Variants in MECOM observed in about 807,000 individuals in gnomAD.
MECOM encodes the protein MDS1 and EVI1 complex locus.
A neutral mutation model predicts 116.3 loss-of-function variants in MECOM; 13 were observed. The observed-to-expected ratio is 0.11, with a 90% confidence interval of 0.07 to 0.18. MECOM has a LOEUF of 0.18. Ranked by LOEUF, MECOM falls within the 10% of genes least tolerant of loss-of-function variation. The probability of loss-of-function intolerance (pLI) is 1.00; values close to 1 mark genes in which losing one functional copy is unlikely to be tolerated. For synonymous variants in MECOM, 528 were observed against 535.2 expected (o/e 0.99, Z 0.19); for missense variants, 1,299 against 1,509.0 (o/e 0.86, Z 2.31).
intron 1 of MECOM, among the ~76,000 whole-genome samples, chr3:169,617,896 T>G (rs1770219267): frequency 6.6e-6 from 1 of 152,208 alleles, no homozygotes. Context: ...GGGACACTTC[T>G]TAGAACAACT....
rs141723148 is a variant in MECOM at position 169,139,896 on chromosome 3, T to C, written c.510+3802A>G. On this transcript the variant is annotated intron_variant, in intron 3 of 16. Coordinates refer to ENST00000651503, the MANE Select transcript of MECOM (RefSeq NM_004991.4). ...AATGAGTTATGTCCACCAATCAAAA[T>C]GGTTTGTAAAAGTAAGACAGCTACA... is the stretch of plus-strand genomic sequence containing the variant. 3.4e-3 allele frequency among the ~76,000 whole-genome samples: 511 copies of C among 151,672 alleles called. 3 individuals are homozygous for C. The highest frequency in any genetic ancestry group is 0.012 in the African/African-American group (493 of 41,344).
chr3:169,288,577 G>A (rs944356301), intron 2 of MECOM, among the ~76,000 whole-genome samples: 1 of 152,160 alleles, frequency 6.6e-6, no homozygotes, highest in Admixed American at 6.6e-5. Context: ...TCATTTAATA[G>A]TAACAAGAAA....
At chr3:169,270,439 A>T (rs954501379) in intron 2 of MECOM, among the ~76,000 whole-genome samples, 14 of 152,062 alleles carry the variant, frequency 9.2e-5, no homozygotes, top group African/African-American at 2.9e-4. Flanking sequence ...TTATGTATTT[A>T]ATTATAATTC....
chr3:169,496,003 T>C (rs1753757865), intron 1 of MECOM, among the ~76,000 whole-genome samples: 1 of 152,220 alleles, frequency 6.6e-6, no homozygotes, highest in Admixed American at 6.5e-5. Flanking sequence ...AAGGGTCGAC[T>C]CCAACTAGAA....
At chr3:169,451,009 A>C (rs920729783) in intron 1 of MECOM, among the ~76,000 whole-genome samples, 1 of 152,212 alleles carries the variant, frequency 6.6e-6, no homozygotes, top group Admixed American at 6.5e-5. Flanking sequence ...CCTCTGGAAT[A>C]TCACTCAAAC....
chr3:169,114,198 T>C (rs1728367676), intron 8 of MECOM, among the ~76,000 whole-genome samples: 1 of 152,174 alleles, frequency 6.6e-6, no homozygotes, highest in African/African-American at 2.4e-5. Flanking sequence ...GACATGTTTT[T>C]CTTTTTTTTC....
intron 1 of MECOM, among the ~76,000 whole-genome samples, chr3:169,468,565 C>T (rs1007272831): frequency 1.3e-5 from 2 of 152,154 alleles, no homozygotes; most frequent in African/African-American, 4.8e-5. Context: ...TGAATCCATT[C>T]CAGGATCAGT....
At chr3:169,659,048 C>T (rs1373469056) in intron 1 of MECOM, among the ~76,000 whole-genome samples, 1 of 140,506 alleles carries the variant, frequency 7.1e-6, no homozygotes, top group East Asian at 2.0e-4. Context: ...AGAGAAATTG[C>T]TTACGACTCC....
chr3:169,395,494 T>C (rs999462733), intron 1 of MECOM, among the ~76,000 whole-genome samples: 1 of 152,164 alleles, frequency 6.6e-6, no homozygotes, highest in East Asian at 1.9e-4. Context: ...CACACACTCA[T>C]ATGTGCACAC....
chr3:169,195,077 A>G (rs975908069), intron 2 of MECOM, among the ~76,000 whole-genome samples: 7 of 152,098 alleles, frequency 4.6e-5, no homozygotes, highest in Non-Finnish European at 7.4e-5. Flanking sequence ...GAACAGTCAT[A>G]CCTGCTCTAT....
At chr3:169,149,611 T>C in intron 2 of MECOM, 1 of 448,410 alleles carries the variant, frequency 2.2e-6, no homozygotes, top group Non-Finnish European at 4.6e-6. Flanking sequence ...CCGTTCCGCG[T>C]CCTTCCGAGC....
intron 1 of MECOM, among the ~76,000 whole-genome samples, chr3:169,555,295 G>T (rs961662378): frequency 3.3e-5 from 5 of 152,164 alleles, no homozygotes; most frequent in Non-Finnish European, 7.4e-5. Context: ...ATGGCTAGTA[G>T]AATCTAGTCT....
intron 1 of MECOM, among the ~76,000 whole-genome samples, chr3:169,596,533 T>G (rs146020136): frequency 7.4e-4 from 112 of 152,330 alleles, no homozygotes; most frequent in African/African-American, 2.5e-3. Flanking sequence ...GAAGGAAATC[T>G]ATTTTGCGTA....
At chr3:169,607,443 G>C (rs1332083493) in intron 1 of MECOM, among the ~76,000 whole-genome samples, 2 of 152,208 alleles carry the variant, frequency 1.3e-5, no homozygotes, top group Non-Finnish European at 2.9e-5. Flanking sequence ...GTTGAGGGGA[G>C]AGGGAAATTG....
chr3:169,133,837 A>G lies in MECOM; in HGVS notation c.511-2306T>C, dbSNP rs892357868. ...CCCTAAACTTTCCAGTTAAATACTT[A>G]TAAGTACACTGTTTCATTCTGGAGT... On this transcript the variant is annotated intron_variant, in intron 3 of 16. Coordinates refer to ENST00000651503, the MANE Select transcript of MECOM (RefSeq NM_004991.4). 3 of 997,382 alleles carry G rather than the reference A, an allele frequency of 3.0e-6. No individual in the cohort carries two copies. In the African/African-American group the frequency reaches 5.0e-5, roughly 17 times the overall value. 61.8% of individuals were successfully genotyped at this position (997,382 alleles called of 1,614,324 possible).
chr3:169,084,636 G>A lies in MECOM; in HGVS notation c.*273C>T. 2.8e-6 allele frequency: 1 copy of A among 357,544 alleles called. No individual in the cohort carries two copies. The highest frequency in any genetic ancestry group is 5.1e-6 in the Non-Finnish European group (1 of 197,086). 22.1% of individuals were successfully genotyped at this position (357,544 alleles called of 1,614,324 possible). A position where few individuals can be genotyped will look rare whatever the true frequency, so the allele number is the denominator to read the frequency against. On this transcript the variant is annotated 3_prime_UTR_variant, in exon 17 of 17. Transcript: ENST00000651503. ...CTGGAAGATGCCTTCAGCCCACCAA[G>A]TTTTTTGTTTTCACTGAATCACTTT...
chr3:169,129,754 A>C (rs1186421451), intron 4 of MECOM, among the ~76,000 whole-genome samples: 1 of 152,178 alleles, frequency 6.6e-6, no homozygotes, highest in Non-Finnish European at 1.5e-5. Context: ...GGTATCAGAG[A>C]CAGCAAAGAT....
At chr3:169,215,920 G>A (rs75961277) in intron 2 of MECOM, among the ~76,000 whole-genome samples, 2,128 of 152,274 alleles carry the variant, frequency 0.014, 32 homozygotes, top group Non-Finnish European at 0.021. Context: ...CAGGCAATTT[G>A]GCCCTTGATT....
At chr3:169,569,686 AC>A (rs1763652022) in intron 1 of MECOM, among the ~76,000 whole-genome samples, 3 of 152,200 alleles carry the variant, frequency 2.0e-5, no homozygotes, top group African/African-American at 7.2e-5. Flanking sequence ...ACTCGCTCAA[AC>A]CTGACAATGC....
Sources: gnomAD v4.1 joint callset for allele counts (sites outside exome capture counted in the v4.1 genomes callset) on GRCh38, gnomAD v4.1.1 for gene constraint, MANE v1.5 for transcripts, NCBI Gene and HGNC (gene_info 2026-07-23, HGNC 2026-07-21) for gene names.